RPAP2: variants seen among roughly 807,000 people sequenced by gnomAD.
RPAP2 encodes putative RNA polymerase II subunit B1 CTD phosphatase RPAP2.
Under a neutral mutation model 73.1 loss-of-function variants are expected in RPAP2, and 52 were observed. The ratio of observed to expected loss-of-function variants is 0.71; its 90% CI spans 0.57 to 0.90. RPAP2 has a LOEUF of 0.90. Among genes scored for constraint, RPAP2 ranks in the 40% least tolerant of loss-of-function variants. RPAP2 has a pLI of 0.00. For missense variants in RPAP2, 598 were observed against 701.8 expected (o/e 0.85, Z 1.67); for synonymous variants, 225 against 242.1 (o/e 0.93, Z 0.65).
intron 5 of RPAP2, among the ~76,000 whole-genome samples, chr1:92,305,026 T>G (rs1003804373): frequency 6.6e-6 from 1 of 151,926 alleles, no homozygotes; most frequent in African/African-American, 2.4e-5. Context: ...TCCCAGCTAC[T>G]CAGAAAGCTG....
rs979629243 is a variant in RPAP2, at chr1:92,369,322, C to T, written c.1689-11402C>T. 6.6e-5 allele frequency among the ~76,000 whole-genome samples: 10 copies of T among 152,194 alleles called. No individual in the cohort carries two copies. In the East Asian group the frequency reaches 7.7e-4, roughly 12 times the overall value. On this transcript the variant is annotated intron_variant, in intron 11 of 12. Coordinates refer to ENST00000610020, the MANE Select transcript of RPAP2 (RefSeq NM_024813.3). Reference sequence around the variant, plus strand: ...TATGTTTTAGAGACAAGGTCTGTCTCGCTGTTTCATCCAGGTTGGAGTACA... The same window carrying T: ...TATGTTTTAGAGACAAGGTCTGTCTTGCTGTTTCATCCAGGTTGGAGTACA...
chr1:92,300,975 G>A (rs1295256445), intron 2 of RPAP2, among the ~76,000 whole-genome samples: 1 of 152,204 alleles, frequency 6.6e-6, no homozygotes, highest in Non-Finnish European at 1.5e-5. Context: ...GGAAAAGACT[G>A]TGATGTTACG....
At chr1:92,351,706 G>C (rs1207480268) in intron 11 of RPAP2, among the ~76,000 whole-genome samples, 1 of 152,132 alleles carries the variant, frequency 6.6e-6, no homozygotes, top group East Asian at 1.9e-4. Context: ...GACCAAAACT[G>C]GCAGCCAAAG....
At chr1:92,340,439 C>G (rs1653529994) in intron 10 of RPAP2, among the ~76,000 whole-genome samples, 1 of 152,172 alleles carries the variant, frequency 6.6e-6, no homozygotes, top group South Asian at 2.1e-4. Context: ...TCAATCAATA[C>G]TGATAGTGGG....
chr1:92,315,124 AATTT>A (rs1651834068), intron 6 of RPAP2, among the ~76,000 whole-genome samples: 1 of 152,176 alleles, frequency 6.6e-6, no homozygotes, highest in African/African-American at 2.4e-5. Context: ...AAAAAAAAAA[AATTT>A]AAAGGAAAAG....
rs148877318 is a variant in RPAP2 at position 92,338,797 on chromosome 1, G to T, written c.1619+2370G>T. 9.8e-4 allele frequency among the ~76,000 whole-genome samples: 149 copies of T among 151,658 alleles called. 1 individual carries two copies. The highest frequency in any genetic ancestry group is 1.6e-3 in the Non-Finnish European group (110 of 67,862). On this transcript the variant is annotated intron_variant, in intron 10 of 12. Coordinates refer to ENST00000610020, the MANE Select transcript of RPAP2 (RefSeq NM_024813.3). ...TTTTTAAGTTTTCTGTAGAGATAGGGGTCAGTCTCACTATGTTGCCCAGGC... is the reference window on the plus strand; with the variant it reads ...TTTTTAAGTTTTCTGTAGAGATAGGTGTCAGTCTCACTATGTTGCCCAGGC...
In RPAP2 at chr1:92,323,850, A is replaced by G. The variant is rs749667608; in HGVS notation, c.930A>G (p.Lys310=). Residue 310 remains lysine (K), a synonymous_variant, in exon 8 of 13, where the codon AAA becomes AAG. Coordinates refer to ENST00000610020, the MANE Select transcript of RPAP2 (RefSeq NM_024813.3). ...SSNSTLPERL[K]ASENSESEYS... ...ATAGCACTTTGCCTGAAAGATTAAAAGCGTCAGAAAATTCTGAAAGTGAAT... is the reference window on the plus strand; with the variant it reads ...ATAGCACTTTGCCTGAAAGATTAAAGGCGTCAGAAAATTCTGAAAGTGAAT... 1.9e-6 allele frequency: 3 copies of G among 1,613,926 alleles called. No homozygotes were observed. Among genetic ancestry groups the G allele is most frequent in the Admixed American group, 3.3e-5 (2 of 59,984 alleles).
chr1:92,384,241 C>G (rs1655770863), intron 12 of RPAP2, among the ~76,000 whole-genome samples: 1 of 151,936 alleles, frequency 6.6e-6, no homozygotes, highest in South Asian at 2.1e-4. Flanking sequence ...CAAGCGTGAG[C>G]CACCGTGCCT....
intron 11 of RPAP2, 97 bp downstream of exon 11, chr1:92,346,011 G>A (rs1231525211): frequency 8.6e-6 from 7 of 814,588 alleles, no homozygotes; most frequent in Non-Finnish European, 2.0e-6. Context: ...AACTGCCTTG[G>A]AAAATATCAT....
intron 10 of RPAP2, among the ~76,000 whole-genome samples, chr1:92,341,349 T>C (rs972396579): frequency 6.6e-6 from 1 of 152,192 alleles, no homozygotes; most frequent in African/African-American, 2.4e-5. Context: ...CAAATATTAC[T>C]GTTTCCCTTT....
chr1:92,335,031 T>C (rs1653197829), intron 9 of RPAP2, among the ~76,000 whole-genome samples: 1 of 151,934 alleles, frequency 6.6e-6, no homozygotes, highest in South Asian at 2.1e-4. Flanking sequence ...GTTGTGGGGC[T>C]ACTACTCAGG....
At chr1:92,371,313 A>T (rs1197525917) in intron 11 of RPAP2, among the ~76,000 whole-genome samples, 1 of 138,132 alleles carries the variant, frequency 7.2e-6, no homozygotes, top group Non-Finnish European at 1.5e-5. Context: ...TCAAAAAAAA[A>T]AAAAAAATAT....
rs11803457 is a variant in RPAP2 at position 92,396,489 on chromosome 1, T to C, written c.*9478T>C. 72,081 of 151,958 alleles carry C rather than the reference T, an allele frequency of 0.47. 18,128 individuals carry two copies. The highest frequency in any genetic ancestry group is 0.96 in the East Asian group (5,002 of 5,188). The allele number at this position is 151,958 out of a possible 1,614,324, so 9.4% of individuals were successfully genotyped here. A position where few individuals can be genotyped will look rare whatever the true frequency, so the allele number is the denominator to read the frequency against. ...ATATCCCACATATGGTATGTTTCCA[T>C]TTACAGTCCAGAAAAGGCATATACT... On this transcript the variant is annotated 3_prime_UTR_variant, in exon 13 of 13. Coordinates refer to ENST00000610020, the MANE Select transcript of RPAP2 (RefSeq NM_024813.3).
At chr1:92,329,086 T>A (rs1275521745) in intron 8 of RPAP2, among the ~76,000 whole-genome samples, 1 of 152,192 alleles carries the variant, frequency 6.6e-6, no homozygotes. Context: ...GTATTTTTTT[T>A]AAGTGCGCTG....
At chr1:92,357,193 C>T (rs535917552) in intron 11 of RPAP2, among the ~76,000 whole-genome samples, 135 of 151,744 alleles carry the variant, frequency 8.9e-4, no homozygotes, top group Admixed American at 2.4e-3. Flanking sequence ...AAAGATTAAA[C>T]AAATCCCTTT....
chr1:92,363,953 G>T (rs192672245), intron 11 of RPAP2, among the ~76,000 whole-genome samples: 120 of 152,142 alleles, frequency 7.9e-4, no homozygotes, highest in African/African-American at 2.8e-3. Flanking sequence ...TCAACAGTAG[G>T]CTATTTATAG....
rs559037673 is a variant in RPAP2, at chr1:92,310,663, G to A, written c.488+3387G>A. Among the ~76,000 whole-genome samples, 11 of 152,218 alleles carry A rather than the reference G, an allele frequency of 7.2e-5. No individual in the cohort carries two copies. In the South Asian group the frequency reaches 1.0e-3, roughly 14 times the overall value. On this transcript the variant is annotated intron_variant, in intron 6 of 12. Coordinates refer to ENST00000610020, the MANE Select transcript of RPAP2 (RefSeq NM_024813.3). ...CCGTAATCCCAGCATTTGGGAGGCC[G>A]AGACTGGTGGATCACCTGAGGTCAG...
chr1:92,333,323 G>A, intron 8 of RPAP2, 68 bp from the exon 9 acceptor site: 1 of 1,265,770 alleles, frequency 7.9e-7, no homozygotes, highest in Non-Finnish European at 1.2e-6. Flanking sequence ...AATGTTTATT[G>A]TTCTGCTTAT....
intron 11 of RPAP2, among the ~76,000 whole-genome samples, chr1:92,348,759 C>G (rs1654044898): frequency 6.6e-6 from 1 of 152,122 alleles, no homozygotes; most frequent in African/African-American, 2.4e-5. Flanking sequence ...AATACATATT[C>G]ATCATGTTAA....
Sources: gnomAD v4.1 joint callset for allele counts (sites outside exome capture counted in the v4.1 genomes callset) on GRCh38, gnomAD v4.1.1 for gene constraint, MANE v1.5 for transcripts, NCBI Gene and HGNC (gene_info 2026-07-23, HGNC 2026-07-21) for gene names.